The following SFXN1 variants were observed in gnomAD, a reference collection of about 807,000 sequenced individuals.
SFXN1 encodes sideroflexin-1.
Under a neutral mutation model 39.5 loss-of-function variants are expected in SFXN1, and 32 were observed. The observed-to-expected ratio is 0.81, with a 90% CI of 0.61 to 1.09. The LOEUF is 1.09. Ranked by LOEUF, SFXN1 falls within the 50% of genes least tolerant of loss-of-function variation. SFXN1 has a pLI of 0.00. For synonymous variants in SFXN1, 136 were observed against 146.5 expected, an observed-to-expected ratio of 0.93 and a Z score of 0.52; for missense variants, 402 against 407.1, an observed-to-expected ratio of 0.99 and a Z score of 0.11.
chr5:175,478,792 C>T (rs1759117166), intron 1 of SFXN1, 153 bp downstream of exon 1: 2 of 149,564 alleles, frequency 1.3e-5, no homozygotes, highest in African/African-American at 5.0e-5. Context: ...CTTTGCGGGC[C>T]GGGGATGCCT....
chr5:175,490,687 A>AT (rs1759623040), intron 1 of SFXN1, among the ~76,000 whole-genome samples: 1 of 152,196 alleles, frequency 6.6e-6, no homozygotes, highest in Non-Finnish European at 1.5e-5. Context: ...AATATCATGC[A>AT]AAGAGAGCTA....
At chr5:175,490,181 G>A (rs953372590) in intron 1 of SFXN1, among the ~76,000 whole-genome samples, 1 of 152,174 alleles carries the variant, frequency 6.6e-6, no homozygotes, top group African/African-American at 2.4e-5. Flanking sequence ...ATTTCAGGTA[G>A]CAAAGTTTCT....
At chr5:175,479,745 G>A (rs950445612) in intron 1 of SFXN1, among the ~76,000 whole-genome samples, 1 of 152,128 alleles carries the variant, frequency 6.6e-6, no homozygotes, top group Non-Finnish European at 1.5e-5. Flanking sequence ...CAGAGCCTGG[G>A]CACTTAGCTG....
At chr5:175,501,738 G>A (rs533893572) in intron 2 of SFXN1, among the ~76,000 whole-genome samples, 1 of 152,242 alleles carries the variant, frequency 6.6e-6, no homozygotes, top group East Asian at 1.9e-4. Flanking sequence ...ACTATGCTCA[G>A]CATATTAGTT....
intron 1 of SFXN1, among the ~76,000 whole-genome samples, chr5:175,489,211 T>A (rs917689380): frequency 6.6e-6 from 1 of 152,220 alleles, no homozygotes; most frequent in Non-Finnish European, 1.5e-5. Context: ...AGGAATTATA[T>A]CTTATTGGCT....
In SFXN1 at chr5:175,515,915, G is replaced by A. The variant is rs59416577; in HGVS notation, c.725-699G>A. Reference sequence around the variant, plus strand: ...TGTTTTCCTGCAGCTAGACAGTCCCGTCTGGGGGTGATGGGAGACAGTGAC... The same window carrying A: ...TGTTTTCCTGCAGCTAGACAGTCCCATCTGGGGGTGATGGGAGACAGTGAC... On this transcript the variant is annotated intron_variant, in intron 7 of 10. Coordinates refer to ENST00000321442, the MANE Select transcript of SFXN1 (RefSeq NM_022754.7). 1.8e-3 allele frequency among the ~76,000 whole-genome samples: 277 copies of A among 152,266 alleles called. 2 individuals are homozygous for A. The highest frequency in any genetic ancestry group is 6.3e-3 in the African/African-American group (261 of 41,550).
Position 175,492,280 on chromosome 5 carries a change from A to G in SFXN1, c.164+13A>G, listed in dbSNP as rs1340881515. 3.3e-5 allele frequency: 53 copies of G among 1,594,718 alleles called. No homozygotes were observed. The highest frequency in any genetic ancestry group is 4.5e-5 in the Non-Finnish European group (53 of 1,172,518). On this transcript the variant is annotated intron_variant, in intron 2 of 10. Transcript: ENST00000321442. ...TACATGATTACAGGTAACATTAATT[A>G]TTGTTTTTTGGTTTAATGTATAAAT...
intron 1 of SFXN1, among the ~76,000 whole-genome samples, chr5:175,482,687 T>TC (rs1212801530): frequency 6.6e-6 from 1 of 152,216 alleles, no homozygotes; most frequent in Non-Finnish European, 1.5e-5. Context: ...AGTTTGCTGA[T>TC]CCTACCAACT....
At chr5:175,517,837 G>A (rs918210881) in intron 8 of SFXN1, among the ~76,000 whole-genome samples, 11 of 152,122 alleles carry the variant, frequency 7.2e-5, no homozygotes, top group Admixed American at 6.5e-4. Context: ...ATGCCCATGC[G>A]GTGGTGTGCC....
intron 10 of SFXN1, among the ~76,000 whole-genome samples, chr5:175,526,245 A>G (rs1761056348): frequency 6.6e-6 from 1 of 151,362 alleles, no homozygotes; most frequent in South Asian, 2.1e-4. Context: ...CATTTCACTG[A>G]TTGCATATCT....
intron 2 of SFXN1, among the ~76,000 whole-genome samples, chr5:175,500,183 G>C (rs1273558788): frequency 6.6e-6 from 1 of 151,800 alleles, no homozygotes; most frequent in African/African-American, 2.4e-5. Flanking sequence ...AGAAAACTCT[G>C]TCTCAAAAAA....
intron 10 of SFXN1, chr5:175,524,121 AAAAAATATATATATATATATATAT>A (rs1561678397): frequency 2.3e-4 from 8 of 35,346 alleles, no homozygotes; most frequent in Admixed American, 8.1e-4. Context: ...AAAAAAAAAA[AAAAAATATATATATATATATATAT>A]ATATATATAT....
Position 175,522,437 on chromosome 5 carries a change from T to TTCGTCAGAA in SFXN1, c.872+18_872+26dup, listed in dbSNP as rs775818568. On this transcript the variant is annotated intron_variant, in intron 10 of 10. Transcript: ENST00000321442. ...CCTCAGAAAAGGTATGTATTTGTTA[T>TTCGTCAGAA]TCGTCAGAATCATCATGAGTATTAA... 13 of 1,611,110 alleles carry TTCGTCAGAA rather than the reference T, an allele frequency of 8.1e-6. No individual in the cohort carries two copies. In the Admixed American group the frequency reaches 2.2e-4, roughly 27 times the overall value.
Position 175,528,498 on chromosome 5 carries a change from T to G in SFXN1, c.*1764T>G, listed in dbSNP as rs1430426002. On this transcript the variant is annotated 3_prime_UTR_variant, in exon 11 of 11. Transcript: ENST00000321442. ...GGGGTGACATTTCATGAAGTGTAGA[T>G]CATTGTATTCAGAGATTGTAAATGA... 1 of 152,142 alleles carries G rather than the reference T, an allele frequency of 6.6e-6. No homozygotes were observed. The highest frequency in any genetic ancestry group is 1.9e-4 in the East Asian group (1 of 5,174). The allele number at this position is 152,142 out of a possible 1,614,324, so 9.4% of individuals were successfully genotyped here. A position where few individuals can be genotyped will look rare whatever the true frequency, so the allele number is the denominator to read the frequency against.
chr5:175,479,419 C>T (rs1759147291), intron 1 of SFXN1, among the ~76,000 whole-genome samples: 1 of 152,256 alleles, frequency 6.6e-6, no homozygotes, highest in Non-Finnish European at 1.5e-5. Context: ...CATCCATAGT[C>T]CAAGGCCATC....
At chr5:175,518,230 G>C (rs1254903630) in intron 8 of SFXN1, among the ~76,000 whole-genome samples, 1 of 152,178 alleles carries the variant, frequency 6.6e-6, no homozygotes, top group Non-Finnish European at 1.5e-5. Context: ...CATTGGGAGT[G>C]AAATTGATAT....
intron 8 of SFXN1, among the ~76,000 whole-genome samples, chr5:175,517,268 G>A (rs1401869053): frequency 6.6e-6 from 1 of 152,138 alleles, no homozygotes. Flanking sequence ...TAACTATTGT[G>A]TTCTCCCCAC....
intron 3 of SFXN1, chr5:175,509,509 C>G (rs906524066): frequency 3.8e-5 from 7 of 186,414 alleles, no homozygotes; most frequent in African/African-American, 1.6e-4. Flanking sequence ...TGTTGCTACT[C>G]TGGGACTCTT....
At chr5:175,515,066 G>A (rs915365105) in intron 7 of SFXN1, among the ~76,000 whole-genome samples, 4 of 152,102 alleles carry the variant, frequency 2.6e-5, no homozygotes, top group African/African-American at 9.7e-5. Flanking sequence ...TCAGGCTGGA[G>A]TGCAGTTGCT....
Sources: allele counts gnomAD v4.1 joint callset (sites outside exome capture counted in the v4.1 genomes callset), GRCh38; gene constraint gnomAD v4.1.1; transcripts MANE v1.5; gene names NCBI Gene and HGNC (gene_info 2026-07-23, HGNC 2026-07-21).